The following SPA17 variants were observed in gnomAD, a reference collection of about 807,000 sequenced individuals.
SPA17 encodes sperm autoantigenic protein 17, also known as sperm surface protein Sp17.
In SPA17, 7 loss-of-function variants were observed where a neutral mutation model predicts 13.8. The ratio of observed to expected loss-of-function variants is 0.51; its 90% confidence interval spans 0.29 to 0.95. SPA17 has a LOEUF of 0.95. Among genes scored for constraint, SPA17 ranks in the 40% least tolerant of loss-of-function variants. SPA17 has a pLI of 0.08. For missense variants in SPA17, 170 were observed against 179.3 expected, an observed-to-expected ratio of 0.95 and a Z score of 0.30; for synonymous variants, 61 against 59.0, an observed-to-expected ratio of 1.03 and a Z score of -0.16.
chr11:124,677,543 A>G (rs1372859676), intron 2 of SPA17, among the ~76,000 whole-genome samples: 1 of 152,200 alleles, frequency 6.6e-6, no homozygotes, highest in Admixed American at 6.5e-5. Context: ...ACTAGAAGAA[A>G]ATATGGATGA....
chr11:124,674,726 G>A (rs1253978069), intron 1 of SPA17: 1 of 152,764 alleles, frequency 6.5e-6, no homozygotes, highest in African/African-American at 2.4e-5. Flanking sequence ...TCCACAGTAC[G>A]AAGGTGTTCG....
In SPA17 at chr11:124,676,744, G is replaced by A. The variant is rs538198887; in HGVS notation, c.154+1326G>A. Among the ~76,000 whole-genome samples the A allele has an allele frequency of 9.8e-4, 150 of 152,352 alleles. 1 individual carries two copies. Among genetic ancestry groups the A allele is most frequent in the African/African-American group, 3.4e-3 (143 of 41,596 alleles). On this transcript the variant is annotated intron_variant, in intron 2 of 4. Coordinates refer to ENST00000227135, the MANE Select transcript of SPA17 (RefSeq NM_017425.4). ...AATAGACTTGGGGGCCTATGTGAGA[G>A]CAGAGGTAGGAGGAGGGTGAGGATT...
Position 124,691,910 on chromosome 11 carries a change from T to A in SPA17, c.312+128T>A, listed in dbSNP as rs987258725. 5 of 520,492 alleles carry A rather than the reference T, an allele frequency of 9.6e-6. No individual in the cohort carries two copies. In the Admixed American group the frequency reaches 2.0e-4, roughly 20 times the overall value. The allele number at this position is 520,492 out of a possible 1,614,324, so 32.2% of individuals were successfully genotyped here. On this transcript the variant is annotated intron_variant, in intron 4 of 4. Transcript: ENST00000227135. ...AATTATGACTTTACTTTCCAGATAA[T>A]TAACATCAGTGATAAACTAACTGGT...
In SPA17 at chr11:124,681,407, C is replaced by A. The variant is rs1388997241; in HGVS notation, c.173C>A (p.Ala58Glu). The A allele has an allele frequency of 6.4e-7, 1 of 1,573,766 alleles. No homozygotes were observed. Among genetic ancestry groups the A allele is most frequent in the Admixed American group, 1.8e-5 (1 of 56,596 alleles). ...EKREKTNFDP[A>E]EWGSKVEDRF... The stretch of plus-strand genomic sequence containing the variant: ...TATTTAGAAACCAACTTTGATCCAG[C>A]AGAATGGGGGAGTAAGGTAGAAGAC... Residue 58 changes from alanine (A) to glutamate (E), a missense_variant, in exon 3 of 5, where the codon GCA (alanine) becomes GAA (glutamate). Ala to Glu is a moderately radical substitution (Grantham distance 107). Coordinates refer to ENST00000227135, the MANE Select transcript of SPA17 (RefSeq NM_017425.4).
intron 3 of SPA17, among the ~76,000 whole-genome samples, chr11:124,690,197 A>G (rs1943612680): frequency 6.6e-6 from 1 of 152,254 alleles, no homozygotes; most frequent in Admixed American, 6.5e-5. Flanking sequence ...AATAGCAAAG[A>G]TATTGAATCA....
At chr11:124,689,433 C>T (rs1437222128) in intron 3 of SPA17, among the ~76,000 whole-genome samples, 1 of 152,062 alleles carries the variant, frequency 6.6e-6, no homozygotes, top group Non-Finnish European at 1.5e-5. Context: ...GACTAATATC[C>T]AAAATACACA....
chr11:124,694,211 C>A, intron 4 of SPA17, 92 bp from the exon 5 acceptor site: 1 of 1,488,666 alleles, frequency 6.7e-7, no homozygotes, highest in Non-Finnish European at 9.2e-7. Flanking sequence ...TAGTTGCATC[C>A]CTAAAATGAT....
intron 3 of SPA17, among the ~76,000 whole-genome samples, chr11:124,688,495 T>C (rs1943595983): frequency 6.6e-6 from 1 of 152,112 alleles, no homozygotes; most frequent in Admixed American, 6.6e-5. Context: ...TTATAATAGC[T>C]TTAAAAAACA....
chr11:124,685,105 G>A (rs1340683880), intron 3 of SPA17, among the ~76,000 whole-genome samples: 1 of 152,238 alleles, frequency 6.6e-6, no homozygotes, highest in Non-Finnish European at 1.5e-5. Flanking sequence ...AATGTCTCCA[G>A]GGTATGTCAG....
Position 124,675,291 on chromosome 11 carries a change from C to T in SPA17, c.27C>T (p.His9=), listed in dbSNP as rs368335369. 289 of 1,614,042 alleles carry T rather than the reference C, an allele frequency of 1.8e-4. 3 individuals carry two copies. The Middle Eastern group carries it at 2.3e-3, about 13-fold the overall frequency. MSIPFSNT[H]YRIPQGFGNL... ...TGTCGATTCCATTCTCCAACACCCA[C>T]TACCGAATTCCACAAGGATTTGGGA... is the stretch of plus-strand genomic sequence containing the variant. Residue 9 remains histidine (H), a synonymous_variant, in exon 2 of 5, where the codon CAC becomes CAT. Transcript: ENST00000227135.
In SPA17 at chr11:124,694,320, T is replaced by G; in HGVS notation, c.330T>G (p.Asp110Glu). 1.2e-6 allele frequency: 2 copies of G among 1,613,686 alleles called. No individual in the cohort carries two copies. Among genetic ancestry groups the G allele is most frequent in the South Asian group, 2.2e-5 (2 of 90,926 alleles). Residue 110 changes from aspartate (D) to glutamate (E), a missense_variant, in exon 5 of 5, where the codon GAT becomes GAG. Coordinates refer to ENST00000227135, the MANE Select transcript of SPA17 (RefSeq NM_017425.4). ...SVTILDSSEE[D>E]KEKEEVAAVK... ...CGATGAAGGACTCTTCTGAGGAAGA[T>G]AAGGAAAAAGAAGAGGTTGCTGCTG...
intron 1 of SPA17, chr11:124,674,349 C>G (rs534131308): frequency 1.3e-5 from 2 of 152,320 alleles, no homozygotes; most frequent in South Asian, 4.1e-4. Flanking sequence ...GCCAGAGACC[C>G]CCTCTCAAAG....
chr11:124,689,043 A>C (rs1471798480), intron 3 of SPA17, among the ~76,000 whole-genome samples: 2 of 152,246 alleles, frequency 1.3e-5, no homozygotes, highest in East Asian at 3.8e-4. Context: ...AGCAAAGCTG[A>C]TAAGACCATA....
intron 2 of SPA17, chr11:124,675,644 T>G (rs1268215197): frequency 9.2e-6 from 4 of 434,552 alleles, no homozygotes; most frequent in Non-Finnish European, 1.6e-5. Flanking sequence ...CCGTCTTCAT[T>G]GTATTTCTCA....
At chr11:124,693,105 C>T (rs1351121829) in intron 4 of SPA17, among the ~76,000 whole-genome samples, 2 of 152,124 alleles carry the variant, frequency 1.3e-5, no homozygotes, top group African/African-American at 2.4e-5. Flanking sequence ...TTCATAGGTG[C>T]TTTTACACAG....
chr11:124,691,850 C>T, intron 4 of SPA17, 68 bp downstream of exon 4: 2 of 957,006 alleles, frequency 2.1e-6, no homozygotes, highest in East Asian at 2.8e-5. Flanking sequence ...TAAAACTGAA[C>T]TCCAAATATG....
In SPA17 at chr11:124,696,479, A is replaced by G. The variant is rs1734212389; in HGVS notation, c.*2033A>G. 1 of 149,726 alleles carries G rather than the reference A, an allele frequency of 6.7e-6. No individual in the cohort carries two copies. The highest frequency in any genetic ancestry group is 6.6e-5 in the Admixed American group (1 of 15,206). The allele number at this position is 149,726 out of a possible 1,614,324, so 9.3% of individuals were successfully genotyped here. A position where few individuals can be genotyped will look rare whatever the true frequency, so the allele number is the denominator to read the frequency against. ...TAAAGTGACTAGCACTATGCATTCC[A>G]TACACACACACACACACACACAGAT... is the stretch of plus-strand genomic sequence containing the variant. On this transcript the variant is annotated 3_prime_UTR_variant, in exon 5 of 5. Coordinates refer to ENST00000227135, the MANE Select transcript of SPA17 (RefSeq NM_017425.4).
rs533318380 is a variant in SPA17 at position 124,687,675 on chromosome 11, A to T, written c.226-4021A>T. ...TGCAAATCAATAAATGTGATACATC[A>T]CATCAACAAAATGAAAGACAAAAAC... is the stretch of plus-strand genomic sequence containing the variant. On this transcript the variant is annotated intron_variant, in intron 3 of 4. Transcript: ENST00000227135. Among the ~76,000 whole-genome samples the T allele has an allele frequency of 9.7e-4, 148 of 152,338 alleles. 1 individual carries two copies. Among genetic ancestry groups the T allele is most frequent in the African/African-American group, 3.5e-3 (145 of 41,586 alleles).
intron 3 of SPA17, among the ~76,000 whole-genome samples, chr11:124,683,434 A>G (rs560744882): frequency 9.9e-5 from 15 of 152,236 alleles, no homozygotes; most frequent in South Asian, 4.1e-4. Flanking sequence ...GCAATTAACA[A>G]TAAGACAAAA....
Sources: gnomAD v4.1 joint callset for allele counts (sites outside exome capture counted in the v4.1 genomes callset) on GRCh38, gnomAD v4.1.1 for gene constraint, MANE v1.5 for transcripts, NCBI Gene and HGNC (gene_info 2026-07-23, HGNC 2026-07-21) for gene names.